The following SNX24 variants were observed in gnomAD, a reference collection of about 807,000 sequenced individuals.
SNX24 encodes the protein sorting nexin 24.
A neutral mutation model predicts 28.7 loss-of-function variants in SNX24; 22 were observed. That is an observed-to-expected ratio of 0.77 (90% CI 0.55 to 1.10). The LOEUF (loss-of-function observed/expected upper bound fraction) is 1.10. Among genes scored for constraint, SNX24 ranks in the 50% least tolerant of loss-of-function variants. The pLI is 0.00. For synonymous variants in SNX24, 69 were observed against 71.5 expected, an observed-to-expected ratio of 0.96 and a Z score of 0.18; for missense variants, 221 against 201.1, an observed-to-expected ratio of 1.10 and a Z score of -0.60.
rs1762316795 is a variant in SNX24 at position 123,003,460 on chromosome 5, T to G, written c.442+1456T>G. Among the ~76,000 whole-genome samples, 3 of 150,670 alleles carry G rather than the reference T, an allele frequency of 2.0e-5. No homozygotes were observed. The South Asian group carries it at 6.3e-4, about 31-fold the overall frequency. ...TCTAATATAGATTAAATAGATAGTT[T>G]TATAAATTATTCTTATTATCTTTGA... On this transcript the variant is annotated intron_variant, in intron 6 of 6. Coordinates refer to ENST00000261369, the MANE Select transcript of SNX24 (RefSeq NM_014035.4).
intron 5 of SNX24, among the ~76,000 whole-genome samples, chr5:123,018,559 C>A (rs1448238158): frequency 1.3e-5 from 2 of 152,076 alleles, no homozygotes; most frequent in Non-Finnish European, 2.9e-5. Context: ...GGGGTGGAAA[C>A]GTACCTGAAA....
At chr5:122,895,930 C>G (rs1757183733) in intron 1 of SNX24, among the ~76,000 whole-genome samples, 1 of 152,192 alleles carries the variant, frequency 6.6e-6, no homozygotes, top group Non-Finnish European at 1.5e-5. Context: ...GGGCAAATCA[C>G]TTGAGGCCAG....
chr5:122,885,018 TG>T (rs1383798655), intron 1 of SNX24, among the ~76,000 whole-genome samples: 3 of 152,200 alleles, frequency 2.0e-5, no homozygotes, highest in Non-Finnish European at 2.9e-5. Flanking sequence ...AAGAACATGT[TG>T]AAATGAGAGT....
chr5:122,937,279 A>G (rs921597683), intron 2 of SNX24, among the ~76,000 whole-genome samples: 3 of 152,248 alleles, frequency 2.0e-5, no homozygotes, highest in African/African-American at 7.2e-5. Flanking sequence ...ATGTACTTGT[A>G]TATTCAAAGA....
rs533867260 is a variant in SNX24, at chr5:123,016,957, A to T, written n.384-12281A>T. On this transcript the variant is annotated intron_variant and non_coding_transcript_variant, in intron 5 of 5. Transcript: ENST00000502387. The stretch of plus-strand genomic sequence containing the variant: ...CTGTTTGAAAGTAAAACTAGATGCA[A>T]CACAGACCCATCAGCAGAAGGAAAT... Among the ~76,000 whole-genome samples, 10 of 152,114 alleles carry T rather than the reference A, an allele frequency of 6.6e-5. No homozygotes were observed. In the South Asian group the frequency reaches 2.1e-3, roughly 32 times the overall value.
chr5:122,899,085 CT>C lies in SNX24; in HGVS notation c.61-37646del, dbSNP rs1451066175. On this transcript the variant is annotated intron_variant, in intron 1 of 6. Transcript: ENST00000261369. Reference sequence around the variant, plus strand: ...CTGTTTACCATTCCTGCTGGAATAACTTTCCCCACCTCCTGACAGCCTCCAC... The same window carrying C: ...CTGTTTACCATTCCTGCTGGAATAACTTCCCCACCTCCTGACAGCCTCCAC... Among the ~76,000 whole-genome samples the C allele has an allele frequency of 4.6e-5, 7 of 152,330 alleles. No homozygotes were observed. The South Asian group carries it at 8.3e-4, about 18-fold the overall frequency.
At chr5:122,935,189 A>G (rs1759130297) in intron 1 of SNX24, among the ~76,000 whole-genome samples, 1 of 152,320 alleles carries the variant, frequency 6.6e-6, no homozygotes, top group Non-Finnish European at 1.5e-5. Flanking sequence ...TCATTGCTAC[A>G]TATCGTCCTG....
rs767432873 is a variant in SNX24 at position 122,974,963 on chromosome 5, G to A, written c.250-24949G>A. Among the ~76,000 whole-genome samples, 5 of 152,214 alleles carry A rather than the reference G, an allele frequency of 3.3e-5. No individual in the cohort carries two copies. The East Asian group carries it at 5.8e-4, about 18-fold the overall frequency. On this transcript the variant is annotated intron_variant, in intron 3 of 6. Coordinates refer to ENST00000261369, the MANE Select transcript of SNX24 (RefSeq NM_014035.4). Reference sequence around the variant, plus strand: ...GGGGAAATGACCACAGGATGAGTCCGGGGAATCAGTGGACCTAAAACTCCA... The same window carrying A: ...GGGGAAATGACCACAGGATGAGTCCAGGGAATCAGTGGACCTAAAACTCCA...
At chr5:122,940,162 T>G (rs1318119688) in intron 2 of SNX24, among the ~76,000 whole-genome samples, 1 of 151,914 alleles carries the variant, frequency 6.6e-6, no homozygotes, top group African/African-American at 2.4e-5. Context: ...CCTGGCTAAT[T>G]TTTGTATTTT....
intron 1 of SNX24, among the ~76,000 whole-genome samples, chr5:122,854,432 C>T (rs893575104): frequency 8.0e-5 from 12 of 150,668 alleles, no homozygotes; most frequent in Non-Finnish European, 1.6e-4. Flanking sequence ...GGCGTGAACC[C>T]GGGAGGCGGA....
intron 1 of SNX24, among the ~76,000 whole-genome samples, chr5:122,918,681 T>G (rs1010387570): frequency 6.6e-6 from 1 of 152,126 alleles, no homozygotes; most frequent in Non-Finnish European, 1.5e-5. Flanking sequence ...GAGTATGTGG[T>G]GATGATCTAA....
chr5:122,947,874 CAT>C (rs2150126796), intron 3 of SNX24, among the ~76,000 whole-genome samples: 1 of 152,302 alleles, frequency 6.6e-6, no homozygotes, highest in Non-Finnish European at 1.5e-5. Flanking sequence ...GTATTTGACA[CAT>C]GATTTCCATT....
intron 1 of SNX24, among the ~76,000 whole-genome samples, chr5:122,855,028 G>C (rs939092226): frequency 1.2e-4 from 18 of 152,042 alleles, no homozygotes; most frequent in African/African-American, 4.3e-4. Flanking sequence ...GACTGATCAG[G>C]GTGGTGGTTG....
intron 1 of SNX24, among the ~76,000 whole-genome samples, chr5:122,913,909 A>C (rs1028975539): frequency 5.9e-5 from 9 of 152,134 alleles, no homozygotes; most frequent in African/African-American, 2.2e-4. Context: ...GGAGCTGGAG[A>C]CCACCCCGGC....
intron 1 of SNX24, among the ~76,000 whole-genome samples, chr5:122,853,258 C>G (rs1755017253): frequency 6.6e-6 from 1 of 151,160 alleles, no homozygotes; most frequent in Non-Finnish European, 1.5e-5. Flanking sequence ...TCCCGAGTAG[C>G]TGGGACTACA....
chr5:122,927,959 A>G (rs1758773684), intron 1 of SNX24, among the ~76,000 whole-genome samples: 1 of 152,196 alleles, frequency 6.6e-6, no homozygotes, highest in Non-Finnish European at 1.5e-5. Context: ...CCATCCTTCC[A>G]GTTGCTCAGA....
intron 1 of SNX24, among the ~76,000 whole-genome samples, chr5:122,934,779 G>T (rs2150115132): frequency 6.6e-6 from 1 of 152,280 alleles, no homozygotes; most frequent in Admixed American, 6.5e-5. Context: ...TAGGCATATT[G>T]TGTGTTTTTT....
chr5:122,930,990 C>G (rs1034666800), intron 1 of SNX24, among the ~76,000 whole-genome samples: 10 of 152,164 alleles, frequency 6.6e-5, no homozygotes, highest in African/African-American at 2.4e-4. Flanking sequence ...ATATGTGCTT[C>G]AAGTCCCAGT....
At chr5:122,868,264 C>T (rs1342180675) in intron 1 of SNX24, among the ~76,000 whole-genome samples, 2 of 152,096 alleles carry the variant, frequency 1.3e-5, no homozygotes, top group Non-Finnish European at 2.9e-5. Flanking sequence ...TATACTATTT[C>T]CATTTGATGA....
Sources: gnomAD v4.1 joint callset for allele counts (sites outside exome capture counted in the v4.1 genomes callset) on GRCh38, gnomAD v4.1.1 for gene constraint, MANE v1.5 for transcripts, NCBI Gene and HGNC (gene_info 2026-07-23, HGNC 2026-07-21) for gene names.